KIAA1549: variants seen among roughly 807,000 people sequenced by gnomAD.
The protein encoded by KIAA1549 is KIAA1549.
A neutral mutation model predicts 156.4 loss-of-function variants in KIAA1549; 70 were observed. The observed-to-expected ratio is 0.45, with a 90% CI of 0.37 to 0.55. KIAA1549 has a LOEUF of 0.55. Among genes scored for constraint, KIAA1549 ranks in the 20% least tolerant of loss-of-function variants. The pLI is 0.00. For synonymous variants in KIAA1549, 1,103 were observed against 1,066.4 expected (o/e 1.03, Z -0.67); for missense variants, 2,428 against 2,540.9 (o/e 0.96, Z 0.96).
Position 138,918,476 on chromosome 7 carries a change from G to A in KIAA1549, c.1150C>T (p.Pro384Ser), listed in dbSNP as rs762435623. ...TCGGATGTTTTGCTGGAGTCGCTAGGGAGAAAGGGGTTAGATGAAACATCA... is the reference window on the plus strand; with the variant it reads ...TCGGATGTTTTGCTGGAGTCGCTAGAGAGAAAGGGGTTAGATGAAACATCA... ...PTDVSSNPFL[P>S]SDSSKTSELH... The change falls in exon 2 of 20, where the codon CCT becomes TCT. Residue 384 changes from proline to serine, a missense_variant. By Grantham distance (74) the Pro-to-Ser change is moderately conservative (BLOSUM62 -1). Transcript: ENST00000422774. The surrounding 1 kb of genome is among the most constrained non-coding windows in gnomAD (Gnocchi z 4.2). The A allele has an allele frequency of 5.6e-6, 9 of 1,614,006 alleles. No homozygotes were observed. The South Asian group carries it at 8.8e-5, about 16-fold the overall frequency.
chr7:138,899,182 T>G (rs751329638), intron 8 of KIAA1549, 50 bp from the exon 9 acceptor site: 1 of 1,546,558 alleles, frequency 6.5e-7, no homozygotes, highest in Admixed American at 1.7e-5. Context: ...TGTTTCTAGA[T>G]GCCCTCTCTC....
At chr7:138,893,496 A>T (rs1029248901) in intron 10 of KIAA1549, among the ~76,000 whole-genome samples, 1 of 152,250 alleles carries the variant, frequency 6.6e-6, no homozygotes, top group Non-Finnish European at 1.5e-5. Flanking sequence ...TATTGTAAGA[A>T]AGACCAAACA....
intron 4 of KIAA1549, among the ~76,000 whole-genome samples, chr7:138,909,334 TATC>T (rs1441977093): frequency 6.6e-6 from 1 of 152,244 alleles, no homozygotes; most frequent in Non-Finnish European, 1.5e-5. Context: ...CGGTGACTGG[TATC>T]ATTTTAAAAT....
intron 1 of KIAA1549, among the ~76,000 whole-genome samples, chr7:138,959,428 G>C (rs528619098): frequency 2.2e-4 from 34 of 152,196 alleles, no homozygotes; most frequent in Non-Finnish European, 4.3e-4. Context: ...TAGGAAAAGG[G>C]AGTGGGGGCT....
chr7:138,845,070 T>C (rs1419554554), intron 17 of KIAA1549, among the ~76,000 whole-genome samples: 1 of 152,126 alleles, frequency 6.6e-6, no homozygotes, highest in Non-Finnish European at 1.5e-5. Flanking sequence ...TTTTGACTCA[T>C]AAAAATTATT....
chr7:138,973,208 C>T (rs1319599798), intron 1 of KIAA1549, among the ~76,000 whole-genome samples: 3 of 152,216 alleles, frequency 2.0e-5, no homozygotes, highest in Admixed American at 2.0e-4. Flanking sequence ...AACCCTCCTG[C>T]CACCATTAAG....
intron 17 of KIAA1549, among the ~76,000 whole-genome samples, chr7:138,849,873 GT>G (rs1258524285): frequency 6.6e-6 from 1 of 152,118 alleles, no homozygotes; most frequent in Non-Finnish European, 1.5e-5. Context: ...CTCCATCCAT[GT>G]TCCTGCAAAA....
intron 1 of KIAA1549, among the ~76,000 whole-genome samples, chr7:138,923,744 G>A (rs1455184487): frequency 6.6e-6 from 1 of 152,188 alleles, no homozygotes; most frequent in African/African-American, 2.4e-5. Flanking sequence ...AGCTATAAGA[G>A]GGACAGCCAG....
At chr7:138,849,327 G>A (rs750917591) in intron 17 of KIAA1549, among the ~76,000 whole-genome samples, 2 of 151,472 alleles carry the variant, frequency 1.3e-5, no homozygotes, top group African/African-American at 2.4e-5. Context: ...ACATCTTGAG[G>A]TCAATGCTTA....
Position 138,871,287 on chromosome 7 carries a change from C to G in KIAA1549, c.4421G>C (p.Arg1474Pro). ...GACCCGCCGGCTAGCCTCCGGGGGG[C>G]GGGAGATCCTGTCCACGTGCTCGAA... ...SIFEHVDRISRPPEASRRVPS... is the reference protein window; with the variant it reads ...SIFEHVDRISPPPEASRRVPS... The change falls in exon 13 of 20, where the codon CGC becomes CCC. Residue 1474 changes from arginine (R) to proline (P), a missense_variant. By Grantham distance (103) the Arg-to-Pro change is moderately radical. Coordinates refer to ENST00000422774, the MANE Select transcript of KIAA1549 (RefSeq NM_001164665.2). The G allele has an allele frequency of 6.2e-7, 1 of 1,609,220 alleles. No individual in the cohort carries two copies. Among genetic ancestry groups the G allele is most frequent in the Non-Finnish European group, 8.5e-7 (1 of 1,177,716 alleles).
chr7:138,886,544 T>C (rs1235312876), intron 10 of KIAA1549, among the ~76,000 whole-genome samples: 4 of 152,140 alleles, frequency 2.6e-5, no homozygotes, highest in African/African-American at 9.7e-5. Flanking sequence ...CCCAAAGCGC[T>C]GGGACTACAG....
At chr7:138,943,141 ATCT>A (rs1422007283) in intron 1 of KIAA1549, among the ~76,000 whole-genome samples, 2 of 152,112 alleles carry the variant, frequency 1.3e-5, no homozygotes, top group African/African-American at 2.4e-5. Flanking sequence ...ATAATCACAG[ATCT>A]TCTTGTTTGT....
At chr7:138,915,723 CCT>C (rs1279569915) in intron 2 of KIAA1549, among the ~76,000 whole-genome samples, 1 of 152,192 alleles carries the variant, frequency 6.6e-6, no homozygotes, top group Non-Finnish European at 1.5e-5. Flanking sequence ...GTTTTCGTCC[CCT>C]TTTTCATTTC....
chr7:138,844,255 T>C (rs1249079165), intron 18 of KIAA1549, 62 bp downstream of exon 18: 14 of 1,593,764 alleles, frequency 8.8e-6, no homozygotes, highest in African/African-American at 1.3e-5. Context: ...ACACCTAAAA[T>C]AAAGTTTCTT....
chr7:138,968,929 C>CT (rs1310139116), intron 1 of KIAA1549, among the ~76,000 whole-genome samples: 4 of 150,912 alleles, frequency 2.7e-5, no homozygotes, highest in African/African-American at 9.8e-5. Flanking sequence ...CTTTAGCATC[C>CT]TTTTTTTAAC....
rs1288861686 is a variant in KIAA1549, at chr7:138,917,328, G to A, written c.2298C>T (p.Val766=). 2.5e-6 allele frequency: 4 copies of A among 1,613,848 alleles called. No individual in the cohort carries two copies. Among genetic ancestry groups the A allele is most frequent in the Non-Finnish European group, 3.4e-6 (4 of 1,179,866 alleles). The change falls in exon 2 of 20, where the codon GTC becomes GTT. Residue 766 remains valine (V), a synonymous_variant. Transcript: ENST00000422774. ...CAGAGCCGGGGGGCACCAGTGCAGT[G>A]ACTGCGGATTCATGGGAAATGAGTG... ...ESSLISHESA[V]TALVPPGSES...
At chr7:138,881,340 A>C in intron 11 of KIAA1549, 48 bp downstream of exon 11, 1 of 1,556,940 alleles carries the variant, frequency 6.4e-7, no homozygotes, top group Middle Eastern at 2.3e-4. Flanking sequence ...GCCTGATAAC[A>C]GAAGCATGCT....
Position 138,963,969 on chromosome 7 carries a change from A to G in KIAA1549, c.187+17114T>C, listed in dbSNP as rs145854626. 2.2e-3 allele frequency among the ~76,000 whole-genome samples: 336 copies of G among 152,372 alleles called. 2 individuals carry two copies. The highest frequency in any genetic ancestry group is 7.8e-3 in the African/African-American group (323 of 41,592). ...AGAAAAATATTATCCTCACTGGTGGAGAAAATGGAATATGGCTCATCATGG... is the reference window on the plus strand; with the variant it reads ...AGAAAAATATTATCCTCACTGGTGGGGAAAATGGAATATGGCTCATCATGG... On this transcript the variant is annotated intron_variant, in intron 1 of 19. Transcript: ENST00000422774.
At chr7:138,961,987 C>T (rs1173337874) in intron 1 of KIAA1549, among the ~76,000 whole-genome samples, 2 of 152,184 alleles carry the variant, frequency 1.3e-5, no homozygotes, top group Non-Finnish European at 2.9e-5. Context: ...GTAGCCATCA[C>T]TCCCCCTTCC....
Sources: gnomAD v4.1 joint callset for allele counts (sites outside exome capture counted in the v4.1 genomes callset) on GRCh38, gnomAD v4.1.1 for gene constraint, Gnocchi (gnomAD v3.1) non-coding constraint, MANE v1.5 for transcripts, NCBI Gene and HGNC (gene_info 2026-07-23, HGNC 2026-07-21) for gene names.